CLIC5: variants seen among roughly 807,000 people sequenced by gnomAD.
CLIC5 encodes chloride intracellular channel protein 5.
A neutral mutation model predicts 24.7 loss-of-function variants in CLIC5; 20 were observed. That is an observed-to-expected ratio of 0.81 (90% CI 0.57 to 1.18). The LOEUF (loss-of-function observed/expected upper bound fraction) is 1.18. Among genes scored for constraint, CLIC5 ranks in the 50% most tolerant of loss-of-function variants. The probability of loss-of-function intolerance (pLI) is 0.00; values close to 1 mark genes in which losing one functional copy is unlikely to be tolerated. For missense variants in CLIC5, 341 were observed against 326.1 expected (o/e 1.05, Z -0.35); for synonymous variants, 159 against 135.6 (o/e 1.17, Z -1.20).
At chr6:46,027,481 A>G (rs1485144876) in intron 1 of CLIC5, among the ~76,000 whole-genome samples, 1 of 152,186 alleles carries the variant, frequency 6.6e-6, no homozygotes, top group Non-Finnish European at 1.5e-5. Flanking sequence ...TTCCTATGTA[A>G]TTATATTATT....
exon 7 of CLIC5, chr6:45,881,173 T>C: frequency 2.5e-6 from 1 of 398,372 alleles, no homozygotes; most frequent in Non-Finnish European, 4.4e-6. Context: ...CCCCCTTTTT[T>C]TCAACAAAAA....
intron 4 of CLIC5, among the ~76,000 whole-genome samples, chr6:45,928,767 AGTGTGTGT>A (rs5875948): frequency 1.4e-5 from 2 of 144,176 alleles, no homozygotes; most frequent in South Asian, 2.2e-4. Flanking sequence ...GAAGTGCATA[AGTGTGTGT>A]GTGTGTGTGT....
At chr6:45,966,249 T>C (rs1765011832) in intron 1 of CLIC5, among the ~76,000 whole-genome samples, 1 of 152,234 alleles carries the variant, frequency 6.6e-6, no homozygotes, top group South Asian at 2.1e-4. Context: ...AAAAAAGTTT[T>C]TGCAAAATTA....
the CLIC5 span, among the ~76,000 whole-genome samples, chr6:46,090,677 A>G: frequency 7.9e-5 from 12 of 152,260 alleles, no homozygotes; most frequent in Non-Finnish European, 1.5e-4. Context: ...GCCACTTAAC[A>G]TACGTATTAA....
chr6:46,087,189 A>G, the CLIC5 span, among the ~76,000 whole-genome samples: 5 of 152,154 alleles, frequency 3.3e-5, no homozygotes, highest in Non-Finnish European at 5.9e-5. Context: ...AGATTATACA[A>G]TCTGGAAGAG....
chr6:45,996,540 G>A (rs1253347466), intron 1 of CLIC5, among the ~76,000 whole-genome samples: 2 of 151,998 alleles, frequency 1.3e-5, no homozygotes, highest in Non-Finnish European at 2.9e-5. Flanking sequence ...GTAGGGAAGG[G>A]ATCCAGTTTC....
the CLIC5 span, among the ~76,000 whole-genome samples, chr6:46,087,338 G>T: frequency 1.2e-4 from 19 of 152,276 alleles, no homozygotes; most frequent in African/African-American, 3.6e-4. Context: ...CATCTTGTTT[G>T]ATAGGTTTAT....
intron 1 of CLIC5, among the ~76,000 whole-genome samples, chr6:46,059,538 C>T (rs1378446889): frequency 6.6e-6 from 1 of 152,246 alleles, no homozygotes; most frequent in South Asian, 2.1e-4. Context: ...ATAGTAAATT[C>T]AACTGTTGGG....
Position 45,920,054 on chromosome 6 carries a change from G to C in CLIC5, c.407-5645C>G, listed in dbSNP as rs555273279. Reference sequence around the variant, plus strand: ...CCTTGGGTATTCACGTGGCCTGACAGGTGCTGCAAAATGTTCTCATTCCCC... The same window carrying C: ...CCTTGGGTATTCACGTGGCCTGACACGTGCTGCAAAATGTTCTCATTCCCC... On this transcript the variant is annotated intron_variant, in intron 4 of 5. Transcript: ENST00000339561. 1.7e-5 allele frequency: 9 copies of C among 524,594 alleles called. No individual in the cohort carries two copies. The South Asian group carries it at 5.9e-4, about 34-fold the overall frequency. The allele number at this position is 524,594 out of a possible 1,614,324, so 32.5% of individuals were successfully genotyped here. A position where few individuals can be genotyped will look rare whatever the true frequency, so the allele number is the denominator to read the frequency against.
intron 1 of CLIC5, among the ~76,000 whole-genome samples, chr6:45,989,292 T>G (rs1481324098): frequency 6.6e-6 from 1 of 152,200 alleles, no homozygotes; most frequent in African/African-American, 2.4e-5. Flanking sequence ...CCAGCTTCTC[T>G]GACAATTAGC....
chr6:45,958,443 T>TATACACACACACACACACACACACACAC (rs1554151289), intron 1 of CLIC5, among the ~76,000 whole-genome samples: 5,429 of 55,522 alleles, frequency 0.098, 888 homozygotes, highest in Non-Finnish European at 0.15. Flanking sequence ...TATATATATA[T>TATACACACACACACACACACACACACAC]ATATATATAT....
At chr6:46,042,054 T>G (rs562434668) in intron 1 of CLIC5, among the ~76,000 whole-genome samples, 13 of 152,350 alleles carry the variant, frequency 8.5e-5, no homozygotes, top group African/African-American at 2.6e-4. Flanking sequence ...TTTGACTTGC[T>G]GTGACTCTGT....
Position 45,899,324 on chromosome 6 carries a change from T to A in CLIC5, c.*3764A>T, listed in dbSNP as rs932050400. On this transcript the variant is annotated 3_prime_UTR_variant, in exon 6 of 6. Coordinates refer to ENST00000339561, the MANE Select transcript of CLIC5 (RefSeq NM_016929.5). ...AGTGATCCCTTGGGAATCATTGTAC[T>A]TAGTTTTAACCATGAGTTAACATTT... is the stretch of plus-strand genomic sequence containing the variant. 6.6e-6 allele frequency: 1 copy of A among 152,238 alleles called. No individual in the cohort carries two copies. The highest frequency in any genetic ancestry group is 2.4e-5 in the African/African-American group (1 of 41,460). 9.4% of individuals were successfully genotyped at this position (152,238 alleles called of 1,614,324 possible). A position where few individuals can be genotyped will look rare whatever the true frequency, so the allele number is the denominator to read the frequency against.
the CLIC5 span, among the ~76,000 whole-genome samples, chr6:46,108,895 T>C: frequency 7.8e-4 from 119 of 152,354 alleles, no homozygotes; most frequent in Non-Finnish European, 1.6e-3. Context: ...TAACTTTTTG[T>C]ATATTAGGGA....
chr6:45,958,195 A>G (rs1764709710), intron 1 of CLIC5, among the ~76,000 whole-genome samples: 1 of 151,880 alleles, frequency 6.6e-6, no homozygotes, highest in African/African-American at 2.4e-5. Flanking sequence ...TCATGTGAAG[A>G]TGAAGGCAAT....
the CLIC5 span, among the ~76,000 whole-genome samples, chr6:46,123,392 C>A: frequency 3.1e-4 from 47 of 152,240 alleles, no homozygotes; most frequent in South Asian, 8.9e-3. Flanking sequence ...GCTCTTCATG[C>A]TAAAAATGCT....
chr6:46,089,797 G>A, the CLIC5 span, among the ~76,000 whole-genome samples: 2 of 152,250 alleles, frequency 1.3e-5, no homozygotes, highest in East Asian at 3.9e-4. Flanking sequence ...CAACATGTGA[G>A]CATATTAATG....
chr6:46,024,125 G>C (rs1215112706), intron 1 of CLIC5, among the ~76,000 whole-genome samples: 1 of 152,038 alleles, frequency 6.6e-6, no homozygotes, highest in East Asian at 1.9e-4. Context: ...TATTTTGAGG[G>C]AATTGGGCAA....
At chr6:46,013,510 A>C (rs944835282) in intron 1 of CLIC5, among the ~76,000 whole-genome samples, 1 of 152,068 alleles carries the variant, frequency 6.6e-6, no homozygotes, top group Non-Finnish European at 1.5e-5. Flanking sequence ...TGATGTTTTG[A>C]TCTCCCCATC....
Sources: allele counts gnomAD v4.1 joint callset (sites outside exome capture counted in the v4.1 genomes callset), GRCh38; gene constraint gnomAD v4.1.1; transcripts MANE v1.5; gene names NCBI Gene and HGNC (gene_info 2026-07-23, HGNC 2026-07-21).